The following NWD2 variants were observed in gnomAD, a reference collection of about 807,000 sequenced individuals.
NWD2 encodes NACHT and WD repeat domain-containing protein 2.
In NWD2, 37 loss-of-function variants were observed where a neutral mutation model predicts 132.7. That is an observed-to-expected ratio of 0.28 (90% CI 0.21 to 0.37). The LOEUF is 0.37. Among genes scored for constraint, NWD2 ranks in the 10% least tolerant of loss-of-function variants. The pLI is 1.00. For missense variants in NWD2, 1,592 were observed against 2,122.4 expected (o/e 0.75, Z 4.91); for synonymous variants, 705 against 803.0 (o/e 0.88, Z 2.06).
intron 3 of NWD2, among the ~76,000 whole-genome samples, chr4:37,365,556 T>C (rs1340436554): frequency 1.3e-5 from 2 of 152,216 alleles, no homozygotes; most frequent in Non-Finnish European, 2.9e-5. Flanking sequence ...CAAATATTTC[T>C]TTACTTATAA....
chr4:37,309,523 A>C (rs1200953971), intron 1 of NWD2, among the ~76,000 whole-genome samples: 1 of 152,172 alleles, frequency 6.6e-6, no homozygotes, highest in African/African-American at 2.4e-5. Flanking sequence ...GCTCCTGGAC[A>C]GGGTACATTT....
chr4:37,290,823 C>T (rs963253516), intron 1 of NWD2, among the ~76,000 whole-genome samples: 1 of 152,180 alleles, frequency 6.6e-6, no homozygotes, highest in African/African-American at 2.4e-5. Flanking sequence ...TTGCTCTTCA[C>T]TCCGCAGATG....
In NWD2 at chr4:37,248,052, G is replaced by A. The variant is rs574205729; in HGVS notation, c.151+2834G>A. ...CTATTCTACGGATGAGATTACTGAG[G>A]CTGTATCAAATTATACCACTTGCCA... On this transcript the variant is annotated intron_variant, in intron 1 of 6. Transcript: ENST00000309447. 2.6e-5 allele frequency among the ~76,000 whole-genome samples: 4 copies of A among 152,280 alleles called. No homozygotes were observed. In the South Asian group the frequency reaches 6.2e-4, roughly 24 times the overall value.
Position 37,443,871 on chromosome 4 carries a change from A to G in NWD2, c.1883A>G (p.Asp628Gly). 1.9e-6 allele frequency: 3 copies of G among 1,552,296 alleles called. No individual in the cohort carries two copies. Among genetic ancestry groups the G allele is most frequent in the Non-Finnish European group, 2.6e-6 (3 of 1,147,134 alleles). The change falls in exon 7 of 7, where the codon GAC becomes GGC. Residue 628 changes from aspartate (D) to glycine (G), a missense_variant. Physicochemically the swap from Asp to Gly is moderately conservative, Grantham distance 94. This residue lies in a region of NWD2 where 1,071 missense variants were observed against 1,398.0 expected (regional missense o/e 0.77). Transcript: ENST00000309447. This position sits in a 1 kb window ranked among gnomAD's most constrained non-coding sequence, Gnocchi z 4.1. ...REVRHWRSHK[D>G]VDESSLSVTV... ...GTGAGGCACTGGAGATCTCACAAAG[A>G]CGTCGATGAATCCTCCCTCTCTGTC...
intron 2 of NWD2, among the ~76,000 whole-genome samples, chr4:37,340,064 T>G (rs1029999720): frequency 4.0e-5 from 6 of 151,232 alleles, no homozygotes; most frequent in African/African-American, 1.5e-4. Flanking sequence ...AAAAGAGCAC[T>G]CATTTAAGAG....
At chr4:37,356,316 A>C in intron 2 of NWD2, 50 bp from the exon 3 acceptor site, 4 of 998,392 alleles carry the variant, frequency 4.0e-6, no homozygotes, top group Non-Finnish European at 5.8e-6. Context: ...CATTGTAAAT[A>C]AAAACAAAGC....
At chr4:37,336,401 A>C (rs1316498717) in intron 2 of NWD2, among the ~76,000 whole-genome samples, 3 of 152,176 alleles carry the variant, frequency 2.0e-5, no homozygotes, top group Non-Finnish European at 2.9e-5. Flanking sequence ...TGGACTGGCC[A>C]ATTTTCAGGT....
intron 1 of NWD2, among the ~76,000 whole-genome samples, chr4:37,307,792 C>T (rs1718741169): frequency 6.6e-6 from 1 of 152,006 alleles, no homozygotes; most frequent in Non-Finnish European, 1.5e-5. Flanking sequence ...CTGTAAGTCT[C>T]GTAGGCTTTC....
intron 3 of NWD2, among the ~76,000 whole-genome samples, chr4:37,363,594 A>G (rs558584298): frequency 3.3e-4 from 50 of 152,300 alleles, no homozygotes; most frequent in African/African-American, 1.2e-3. Context: ...TTGGGTACTC[A>G]TGGACATAAA....
chr4:37,408,618 G>A (rs534419235), intron 3 of NWD2, among the ~76,000 whole-genome samples: 153 of 152,312 alleles, frequency 1.0e-3, no homozygotes, highest in African/African-American at 3.5e-3. Flanking sequence ...AGACTTAAAC[G>A]TCCCTAACTG....
chr4:37,297,675 C>T (rs1054060974), intron 1 of NWD2, among the ~76,000 whole-genome samples: 1 of 152,164 alleles, frequency 6.6e-6, no homozygotes, highest in Non-Finnish European at 1.5e-5. Context: ...GTTCCTCAGT[C>T]TGTCTTTTTC....
chr4:37,394,799 GTTT>G (rs1175840735), intron 3 of NWD2, among the ~76,000 whole-genome samples: 35 of 52,594 alleles, frequency 6.7e-4, no homozygotes, highest in Admixed American at 2.1e-3. Flanking sequence ...AACCTTTATG[GTTT>G]TTTTTTTTTT....
At chr4:37,424,553 C>T (rs1326754587) in intron 3 of NWD2, among the ~76,000 whole-genome samples, 2 of 152,164 alleles carry the variant, frequency 1.3e-5, no homozygotes, top group African/African-American at 4.8e-5. Context: ...ACAGACCCAC[C>T]TGCCTTGCTT....
chr4:37,250,117 A>T (rs1224846689), intron 1 of NWD2, among the ~76,000 whole-genome samples: 1 of 151,550 alleles, frequency 6.6e-6, no homozygotes, highest in Admixed American at 6.6e-5. Flanking sequence ...TGTCTTTATG[A>T]GTAGTGGAAA....
intron 1 of NWD2, among the ~76,000 whole-genome samples, chr4:37,271,942 T>G (rs900715100): frequency 2.6e-5 from 4 of 151,932 alleles, no homozygotes; most frequent in African/African-American, 7.2e-5. Flanking sequence ...GTAGGTTTTT[T>G]GTAGTGCCCA....
intron 3 of NWD2, among the ~76,000 whole-genome samples, chr4:37,370,783 A>G (rs1231426845): frequency 6.6e-6 from 1 of 152,194 alleles, no homozygotes; most frequent in Admixed American, 6.5e-5. Flanking sequence ...AGGAGGAATG[A>G]TGAGGCTAAA....
chr4:37,413,047 G>A (rs1721194134), intron 3 of NWD2, among the ~76,000 whole-genome samples: 1 of 152,168 alleles, frequency 6.6e-6, no homozygotes, highest in South Asian at 2.1e-4. Flanking sequence ...ATACCATTCA[G>A]GACACAGGCA....
At chr4:37,316,793 T>G (rs1206631415) in intron 1 of NWD2, among the ~76,000 whole-genome samples, 5 of 152,156 alleles carry the variant, frequency 3.3e-5, no homozygotes, top group African/African-American at 1.2e-4. Flanking sequence ...CACATTTTTC[T>G]GTTTATTTAT....
At chr4:37,422,702 T>C (rs17421931) in intron 3 of NWD2, among the ~76,000 whole-genome samples, 1 of 152,218 alleles carries the variant, frequency 6.6e-6, no homozygotes, top group East Asian at 1.9e-4. Context: ...TTGATTCTCA[T>C]GATGCACCAG....
Sources: gnomAD v4.1 joint callset for allele counts (sites outside exome capture counted in the v4.1 genomes callset) on GRCh38, gnomAD v4.1.1 for gene constraint, gnomAD v4.1.1 regional missense constraint, Gnocchi (gnomAD v3.1) non-coding constraint, MANE v1.5 for transcripts, NCBI Gene and HGNC (gene_info 2026-07-23, HGNC 2026-07-21) for gene names.